NKAIN3: variants seen among roughly 807,000 people sequenced by gnomAD.
NKAIN3 encodes sodium/potassium transporting ATPase interacting 3.
Under a neutral mutation model 30.2 loss-of-function variants are expected in NKAIN3, and 25 were observed. That is an observed-to-expected ratio of 0.83 (90% confidence interval 0.60 to 1.16). The LOEUF (loss-of-function observed/expected upper bound fraction) is 1.16, where lower values mean the gene tolerates loss of function less well. Ranked by LOEUF, NKAIN3 falls within the 50% of genes most tolerant of loss-of-function variation. The pLI, the probability that NKAIN3 is intolerant of heterozygous loss-of-function variation, is 0.00. For synonymous variants in NKAIN3, 91 were observed against 89.6 expected (o/e 1.02, Z -0.09); for missense variants, 225 against 254.1 (o/e 0.89, Z 0.78).
intron 1 of NKAIN3, among the ~76,000 whole-genome samples, chr8:62,260,721 A>T (rs1241546620): frequency 1.3e-5 from 2 of 152,306 alleles, no homozygotes; most frequent in South Asian, 4.1e-4. Context: ...GTTTCCAGGA[A>T]TCATGTGAGC....
intron 1 of NKAIN3, among the ~76,000 whole-genome samples, chr8:62,491,617 A>G (rs988491412): frequency 6.6e-6 from 1 of 152,222 alleles, no homozygotes; most frequent in Non-Finnish European, 1.5e-5. Flanking sequence ...ATAAAATTTT[A>G]AAAGCGTTAC....
At chr8:62,768,891 CA>C (rs1187915550) in intron 4 of NKAIN3, among the ~76,000 whole-genome samples, 1 of 152,046 alleles carries the variant, frequency 6.6e-6, no homozygotes, top group Non-Finnish European at 1.5e-5. Flanking sequence ...CATGATTAAA[CA>C]AAATTAAAAT....
At chr8:62,269,954 AG>A (rs1457835163) in intron 1 of NKAIN3, among the ~76,000 whole-genome samples, 1 of 152,228 alleles carries the variant, frequency 6.6e-6, no homozygotes, top group Non-Finnish European at 1.5e-5. Context: ...AGTATAAAAA[AG>A]TAATTTATGT....
chr8:62,306,434 A>C (rs929173956), intron 1 of NKAIN3, among the ~76,000 whole-genome samples: 29 of 150,280 alleles, frequency 1.9e-4, no homozygotes, highest in Admixed American at 4.6e-4. Context: ...AGGGCAGTGA[A>C]AATCTTAATG....
intron 3 of NKAIN3, among the ~76,000 whole-genome samples, chr8:62,690,792 G>A (rs1813943446): frequency 6.6e-6 from 1 of 152,184 alleles, no homozygotes; most frequent in African/African-American, 2.4e-5. Flanking sequence ...TAACCTCTGG[G>A]AAAGTGTAAA....
chr8:62,676,377 G>A (rs1348389850), intron 3 of NKAIN3, among the ~76,000 whole-genome samples: 1 of 152,158 alleles, frequency 6.6e-6, no homozygotes, highest in East Asian at 1.9e-4. Context: ...GACCATCCTG[G>A]CTAACACGGT....
chr8:62,958,330 G>A (rs937326532), intron 6 of NKAIN3, among the ~76,000 whole-genome samples: 1 of 151,840 alleles, frequency 6.6e-6, no homozygotes, highest in African/African-American at 2.4e-5. Flanking sequence ...TCTGGCCTGG[G>A]GACATGTGAT....
chr8:62,732,483 A>G (rs189006831), intron 3 of NKAIN3, among the ~76,000 whole-genome samples: 2 of 152,216 alleles, frequency 1.3e-5, no homozygotes, highest in African/African-American at 4.8e-5. Flanking sequence ...TAATTTTCAT[A>G]AATGCTTCAT....
intron 4 of NKAIN3, among the ~76,000 whole-genome samples, chr8:62,795,606 T>G (rs540686415): frequency 0.022 from 3,415 of 152,300 alleles, 126 homozygotes; most frequent in African/African-American, 0.077. Flanking sequence ...GTCTTTTTTT[T>G]TAGCTCTAAA....
chr8:62,920,038 A>G (rs1029315368), intron 5 of NKAIN3, among the ~76,000 whole-genome samples: 1 of 152,154 alleles, frequency 6.6e-6, no homozygotes, highest in South Asian at 2.1e-4. Flanking sequence ...TAGTAGTTCT[A>G]CAACCTGATG....
intron 1 of NKAIN3, among the ~76,000 whole-genome samples, chr8:62,282,604 G>T (rs1813242759): frequency 6.6e-6 from 1 of 152,130 alleles, no homozygotes. Flanking sequence ...ACTTTTAAAA[G>T]ACATATGCCC....
At chr8:62,775,279 T>C (rs534510596) in intron 4 of NKAIN3, among the ~76,000 whole-genome samples, 1 of 152,112 alleles carries the variant, frequency 6.6e-6, no homozygotes, top group Non-Finnish European at 1.5e-5. Context: ...TTTTATTTAT[T>C]TGGGTCTTCG....
intron 1 of NKAIN3, among the ~76,000 whole-genome samples, chr8:62,492,809 C>G (rs1178960844): frequency 6.6e-6 from 1 of 152,026 alleles, no homozygotes; most frequent in Admixed American, 6.6e-5. Context: ...AGTGGTAGTT[C>G]TGTTTTCAGC....
chr8:62,478,718 C>T (rs895865965), intron 1 of NKAIN3, among the ~76,000 whole-genome samples: 14 of 152,082 alleles, frequency 9.2e-5, no homozygotes, highest in Non-Finnish European at 1.6e-4. Flanking sequence ...TATTTATTTC[C>T]TGAGCCATAC....
At chr8:62,832,679 C>T (rs1227680085) in intron 4 of NKAIN3, among the ~76,000 whole-genome samples, 2 of 149,408 alleles carry the variant, frequency 1.3e-5, no homozygotes, top group East Asian at 3.9e-4. Context: ...ATTGGAGCAC[C>T]CAGATACATA....
intron 4 of NKAIN3, among the ~76,000 whole-genome samples, chr8:62,802,213 G>C (rs1818091161): frequency 1.3e-5 from 2 of 152,214 alleles, no homozygotes; most frequent in Admixed American, 6.5e-5. Flanking sequence ...TTATCCAGGA[G>C]AAATTCCCCA....
At chr8:62,831,391 G>T (rs537863458) in intron 4 of NKAIN3, among the ~76,000 whole-genome samples, 1 of 152,166 alleles carries the variant, frequency 6.6e-6, no homozygotes, top group South Asian at 2.1e-4. Flanking sequence ...AAACAAAATG[G>T]AATTTCAGAA....
chr8:62,450,867 T>C (rs1563404330), intron 1 of NKAIN3, among the ~76,000 whole-genome samples: 1 of 152,204 alleles, frequency 6.6e-6, no homozygotes, highest in Non-Finnish European at 1.5e-5. Flanking sequence ...TGATATATTT[T>C]GAACACACTT....
intron 1 of NKAIN3, among the ~76,000 whole-genome samples, chr8:62,375,844 C>G (rs4549763): frequency 0.14 from 21,067 of 152,132 alleles, 1,745 homozygotes; most frequent in East Asian, 0.41. Flanking sequence ...AAATTTCAGT[C>G]CACAGACTTT....
Sources: gnomAD v4.1 joint callset for allele counts (sites outside exome capture counted in the v4.1 genomes callset) on GRCh38, gnomAD v4.1.1 for gene constraint, MANE v1.5 for transcripts, NCBI Gene and HGNC (gene_info 2026-07-23, HGNC 2026-07-21) for gene names.